SNX18: variants seen among roughly 807,000 people sequenced by gnomAD.
The protein encoded by SNX18 is sorting nexin-18.
A neutral mutation model predicts 48.7 loss-of-function variants in SNX18; 35 were observed. That is an observed-to-expected ratio of 0.72 (90% confidence interval 0.55 to 0.95). The LOEUF is 0.95. SNX18 is among the 40% of genes least tolerant of loss of function. The pLI is 0.00. For synonymous variants in SNX18, 492 were observed against 384.7 expected (o/e 1.28, Z -3.26); for missense variants, 824 against 871.0 (o/e 0.95, Z 0.68).
At chr5:54,633,792 G>A in the SNX18 span, among the ~76,000 whole-genome samples, 1 of 152,170 alleles carries the variant, frequency 6.6e-6, no homozygotes, top group Non-Finnish European at 1.5e-5. Flanking sequence ...ATTTCACTTT[G>A]TGTGCTGGGA....
rs373534170 is a variant in SNX18, at chr5:54,534,819, T to G, written c.1622-8360T>G. 3.6e-4 allele frequency among the ~76,000 whole-genome samples: 55 copies of G among 152,166 alleles called. 2 individuals carry two copies. The highest frequency in any genetic ancestry group is 1.3e-3 in the African/African-American group (52 of 41,498). On this transcript the variant is annotated intron_variant, in intron 1 of 1. Coordinates refer to ENST00000381410, the MANE Select transcript of SNX18 (RefSeq NM_001102575.2). ...TACATCTGCTAGTGTGCTGGTTGAG[T>G]TTCAGCTTGCAGTGTGTTCTTAATA...
chr5:54,596,599 T>C, the SNX18 span, among the ~76,000 whole-genome samples: 2 of 152,184 alleles, frequency 1.3e-5, no homozygotes, highest in African/African-American at 4.8e-5. Context: ...AGGCCATCTG[T>C]AGCAGCATGT....
Position 54,518,869 on chromosome 5 carries a change from A to AGGTGCC in SNX18, c.923_928dup (p.Pro308_Val309dup). On this transcript the variant is annotated inframe_insertion, in exon 1 of 2. Coordinates refer to ENST00000381410, the MANE Select transcript of SNX18 (RefSeq NM_001102575.2). ...TACAAGCTGGTGCCCACGCACACGC[A>AGGTGCC]GGTGCCGGTGCATCGGCGCTACAAG... 1.9e-6 allele frequency: 3 copies of AGGTGCC among 1,613,566 alleles called. No individual in the cohort carries two copies. Among genetic ancestry groups the AGGTGCC allele is most frequent in the Non-Finnish European group, 2.5e-6 (3 of 1,179,694 alleles).
intron 1 of SNX18, among the ~76,000 whole-genome samples, chr5:54,533,010 A>G (rs916841642): frequency 1.3e-5 from 2 of 152,304 alleles, no homozygotes; most frequent in Admixed American, 1.3e-4. Flanking sequence ...TATTATAACA[A>G]TGCTTTTACC....
the SNX18 span, among the ~76,000 whole-genome samples, chr5:54,589,709 C>T: frequency 6.6e-6 from 1 of 152,256 alleles, no homozygotes; most frequent in Non-Finnish European, 1.5e-5. Flanking sequence ...GAAGATGCTG[C>T]TCTAATATTA....
At chr5:54,598,896 A>G in the SNX18 span, among the ~76,000 whole-genome samples, 6 of 152,122 alleles carry the variant, frequency 3.9e-5, no homozygotes, top group Admixed American at 6.6e-5. Flanking sequence ...AATCAGGCAA[A>G]AGAAAGAAAT....
At chr5:54,629,014 C>T in the SNX18 span, among the ~76,000 whole-genome samples, 2 of 152,220 alleles carry the variant, frequency 1.3e-5, no homozygotes, top group Non-Finnish European at 2.9e-5. Context: ...CCTTCAAGGT[C>T]GGGAGATCTT....
rs144827917 is a variant in SNX18 at position 54,519,362 on chromosome 5, C to G, written c.1410C>G (p.Ser470=). 1.2e-6 allele frequency: 2 copies of G among 1,613,240 alleles called. No individual in the cohort carries two copies. The highest frequency in any genetic ancestry group is 2.2e-5 in the East Asian group (1 of 44,830). The change falls in exon 1 of 2, where the codon TCC becomes TCG. Residue 470 remains serine, a synonymous_variant. Coordinates refer to ENST00000381410, the MANE Select transcript of SNX18 (RefSeq NM_001102575.2). ...FKKEYQKVGQ[S]FRGLSQAFEL... ...AGGAGTATCAGAAGGTGGGCCAGTC[C>G]TTCCGCGGCCTCAGCCAGGCCTTTG...
chr5:54,547,533 C>A (rs75440503), downstream of SNX18, among the ~76,000 whole-genome samples: 1,916 of 152,286 alleles, frequency 0.013, 31 homozygotes, highest in African/African-American at 0.042. Context: ...TCTTTGGGCA[C>A]TGGGCACAAA....
chr5:54,554,611 A>G, the SNX18 span, among the ~76,000 whole-genome samples: 14 of 152,374 alleles, frequency 9.2e-5, no homozygotes, highest in African/African-American at 2.9e-4. Context: ...CTATGAATTA[A>G]TGTAGTTTTA....
chr5:54,568,689 G>A, the SNX18 span, among the ~76,000 whole-genome samples: 2 of 152,190 alleles, frequency 1.3e-5, no homozygotes, highest in East Asian at 3.9e-4. Flanking sequence ...GCCCTAGTGG[G>A]CTTATTTAGC....
At chr5:54,523,950 C>CT (rs1227546915) in intron 1 of SNX18, among the ~76,000 whole-genome samples, 5 of 152,230 alleles carry the variant, frequency 3.3e-5, no homozygotes, top group African/African-American at 1.2e-4. Context: ...GAGAAAAGCT[C>CT]TAAGAAGTTG....
At chr5:54,574,443 C>T in the SNX18 span, among the ~76,000 whole-genome samples, 5 of 152,182 alleles carry the variant, frequency 3.3e-5, no homozygotes, top group African/African-American at 1.2e-4. Flanking sequence ...GACCACTGAA[C>T]ATGCATGTCA....
At chr5:54,523,175 T>A (rs561641511) in intron 1 of SNX18, among the ~76,000 whole-genome samples, 12 of 152,312 alleles carry the variant, frequency 7.9e-5, no homozygotes, top group Admixed American at 4.6e-4. Context: ...TTTTTTTTTC[T>A]TAAGTGATAG....
At chr5:54,568,080 T>TTG in the SNX18 span, among the ~76,000 whole-genome samples, 17 of 152,034 alleles carry the variant, frequency 1.1e-4, no homozygotes, top group Admixed American at 5.9e-4. Context: ...TCAAACACTT[T>TTG]TGTGTGTGTG....
At position 54,545,125 on chromosome 5, in the gene SNX18, T is replaced by G. The variant is rs1247102896; in HGVS notation, c.*1693T>G. 6.6e-6 allele frequency: 1 copy of G among 152,196 alleles called. No homozygotes were observed. The highest frequency in any genetic ancestry group is 1.5e-5 in the Non-Finnish European group (1 of 68,030). The allele number at this position is 152,196 out of a possible 1,614,324, so 9.4% of individuals were successfully genotyped here. On this transcript the variant is annotated 3_prime_UTR_variant, in exon 2 of 2. Transcript: ENST00000381410. Reference sequence around the variant, plus strand: ...TGATATTTGGTCAAAATTTTGTACCTTAGGTTACTTAGAGCCAGATTTAAC... The same window carrying G: ...TGATATTTGGTCAAAATTTTGTACCGTAGGTTACTTAGAGCCAGATTTAAC...
At chr5:54,522,911 T>C (rs571789975) in intron 1 of SNX18, among the ~76,000 whole-genome samples, 2 of 152,336 alleles carry the variant, frequency 1.3e-5, no homozygotes, top group South Asian at 2.1e-4. Flanking sequence ...AAGAGAATTC[T>C]GGAATTTTGA....
At chr5:54,620,901 T>C in the SNX18 span, among the ~76,000 whole-genome samples, 3 of 152,190 alleles carry the variant, frequency 2.0e-5, no homozygotes, top group African/African-American at 7.2e-5. Context: ...ACAGCAGTCA[T>C]ATTGGATTAG....
At chr5:54,568,316 T>A in the SNX18 span, among the ~76,000 whole-genome samples, 380 of 152,322 alleles carry the variant, frequency 2.5e-3, 2 homozygotes, top group African/African-American at 8.7e-3. Context: ...TCGCTAGCAG[T>A]GGTAGAAACA....
Sources: gnomAD v4.1 joint callset for allele counts (sites outside exome capture counted in the v4.1 genomes callset) on GRCh38, gnomAD v4.1.1 for gene constraint, MANE v1.5 for transcripts, NCBI Gene and HGNC (gene_info 2026-07-23, HGNC 2026-07-21) for gene names.